The following C11orf65 variants were observed in gnomAD, a reference collection of about 807,000 sequenced individuals.
C11orf65 encodes protein MFI.
In C11orf65, 38 loss-of-function variants were observed where a neutral mutation model predicts 35.3. That is an observed-to-expected ratio of 1.08 (90% CI 0.83 to 1.41). The LOEUF (loss-of-function observed/expected upper bound fraction) is 1.41, where lower values mean the gene tolerates loss of function less well. Among genes scored for constraint, C11orf65 ranks in the 40% most tolerant of loss-of-function variants. C11orf65 has a pLI of 0.00. For synonymous variants in C11orf65, 105 were observed against 114.4 expected, an observed-to-expected ratio of 0.92 and a Z score of 0.53; for missense variants, 370 against 367.1, an observed-to-expected ratio of 1.01 and a Z score of -0.06.
At chr11:108,445,556 A>T (rs1364189511) in intron 2 of C11orf65, among the ~76,000 whole-genome samples, 1 of 152,186 alleles carries the variant, frequency 6.6e-6, no homozygotes, top group Admixed American at 6.5e-5. Context: ...CCTGTAGCTG[A>T]GGGTCCTGTC....
chr11:108,414,721 C>T (rs2092706750), intron 3 of C11orf65, among the ~76,000 whole-genome samples: 1 of 151,918 alleles, frequency 6.6e-6, no homozygotes, highest in African/African-American at 2.4e-5. Flanking sequence ...TTGATGAGGC[C>T]AGCATAACCC....
chr11:108,376,008 G>C (rs1160501611), intron 2 of C11orf65, among the ~76,000 whole-genome samples: 4 of 152,112 alleles, frequency 2.6e-5, no homozygotes, highest in East Asian at 3.8e-4. Context: ...GACCTACAAA[G>C]AGACTTAGAC....
chr11:108,337,743 T>G (rs1044269091), intron 2 of C11orf65, among the ~76,000 whole-genome samples: 1 of 152,242 alleles, frequency 6.6e-6, no homozygotes, highest in Non-Finnish European at 1.5e-5. Context: ...AGACTAGATA[T>G]TCTGTAATGT....
chr11:108,467,154 G>A (rs564092807), intron 1 of C11orf65, among the ~76,000 whole-genome samples: 3 of 152,286 alleles, frequency 2.0e-5, no homozygotes, highest in Admixed American at 1.3e-4. Flanking sequence ...TCTTTGCGGA[G>A]GATTGGGGTG....
intron 2 of C11orf65, among the ~76,000 whole-genome samples, chr11:108,450,845 G>A (rs755617172): frequency 1.4e-4 from 21 of 151,830 alleles, no homozygotes; most frequent in Non-Finnish European, 2.5e-4. Flanking sequence ...ATGCAAGGCT[G>A]GTTCAACGTA....
rs188420674 is a variant in C11orf65 at position 108,464,891 on chromosome 11, C to T, written c.-10+2580G>A. 1.1e-4 allele frequency among the ~76,000 whole-genome samples: 17 copies of T among 151,780 alleles called. No individual in the cohort carries two copies. In the East Asian group the frequency reaches 2.9e-3, roughly 26 times the overall value. ...AAACAGCGTGCATATTGAAACCTAA[C>T]ACTGCCAAACTGTCCTCAAAAATGG... On this transcript the variant is annotated intron_variant, in intron 1 of 8. Coordinates refer to ENST00000393084, the MANE Select transcript of C11orf65 (RefSeq NM_152587.5).
intron 2 of C11orf65, among the ~76,000 whole-genome samples, chr11:108,438,597 A>C (rs2093102864): frequency 6.6e-6 from 1 of 152,174 alleles, no homozygotes; most frequent in Non-Finnish European, 1.5e-5. Context: ...AAAGCCATAA[A>C]ACTCCTAGAA....
At chr11:108,363,122 G>A (rs1463498081) in intron 2 of C11orf65, among the ~76,000 whole-genome samples, 1 of 152,082 alleles carries the variant, frequency 6.6e-6, no homozygotes, top group Non-Finnish European at 1.5e-5. Context: ...TTTTCCCAGT[G>A]ATCTTACCAC....
rs1555138291 is a variant in C11orf65, at chr11:108,345,859, G to A, written c.227-10567C>T. 6.2e-7 allele frequency: 1 copy of A among 1,613,844 alleles called. No homozygotes were observed. Among genetic ancestry groups the A allele is most frequent in the South Asian group, 1.1e-5 (1 of 91,066 alleles). On this transcript the variant is annotated intron_variant, in intron 2 of 3. Coordinates refer to the C11orf65 transcript ENST00000524755. Reference sequence around the variant, plus strand: ...AAAAATTCTTGGATCCAGCTATTTGGTTTGAGAAGCGATTGGCTTATACGC... The same window carrying A: ...AAAAATTCTTGGATCCAGCTATTTGATTTGAGAAGCGATTGGCTTATACGC...
chr11:108,364,453 G>A (rs956094805), intron 2 of C11orf65, among the ~76,000 whole-genome samples: 3 of 152,044 alleles, frequency 2.0e-5, no homozygotes, highest in Non-Finnish European at 2.9e-5. Flanking sequence ...CAGTTGTTTT[G>A]GTATCCTAAT....
At chr11:108,402,110 C>T (rs989511025) in intron 6 of C11orf65, among the ~76,000 whole-genome samples, 1 of 152,120 alleles carries the variant, frequency 6.6e-6, no homozygotes, top group Non-Finnish European at 1.5e-5. Context: ...TCTGGGCTGT[C>T]CTGAAATACA....
chr11:108,445,749 G>A (rs1228502023), intron 2 of C11orf65, among the ~76,000 whole-genome samples: 5 of 152,056 alleles, frequency 3.3e-5, no homozygotes, highest in African/African-American at 9.7e-5. Flanking sequence ...CTCCTCACCA[G>A]CAATGGAACA....
chr11:108,334,012 T>A (rs1175629491), intron 3 of C11orf65: 3 of 1,453,148 alleles, frequency 2.1e-6, no homozygotes, highest in South Asian at 2.3e-5. Context: ...CTAAATTTTT[T>A]TTATTAGATT....
intron 3 of C11orf65, among the ~76,000 whole-genome samples, chr11:108,425,833 C>CTAG (rs1268292974): frequency 6.6e-6 from 1 of 152,140 alleles, no homozygotes; most frequent in African/African-American, 2.4e-5. Context: ...GGATGCAAGG[C>CTAG]TAGTTCAACA....
At chr11:108,343,195 T>C (rs2087799038) in intron 2 of C11orf65, 1 of 1,613,630 alleles carries the variant, frequency 6.2e-7, no homozygotes, top group African/African-American at 1.3e-5. Context: ...CTTTTAAAAT[T>C]AAAAGGTATT....
chr11:108,354,814 C>T lies in C11orf65; in HGVS notation c.227-19522G>A, dbSNP rs1565582275. 6.2e-7 allele frequency: 1 copy of T among 1,613,316 alleles called. No individual in the cohort carries two copies. Among genetic ancestry groups the T allele is most frequent in the Non-Finnish European group, 8.5e-7 (1 of 1,179,302 alleles). ...TTTATAATGTGTTTGACTCTAGATG[C>T]TGTGAGAAAACCATGGAAGTGATGA... is the stretch of plus-strand genomic sequence containing the variant. On this transcript the variant is annotated intron_variant, in intron 2 of 3. Transcript: ENST00000524755.
Position 108,406,840 on chromosome 11 carries a change from CATTTTTATT to C in C11orf65, c.343_351del (p.Asn115_Asn117del). The C allele has an allele frequency of 6.2e-7, 1 of 1,613,262 alleles. No individual in the cohort carries two copies. Among genetic ancestry groups the C allele is most frequent in the Non-Finnish European group, 8.5e-7 (1 of 1,179,574 alleles). ...CTATGATCCTCTTCCTGAAGATGAT[CATTTTTATT>C]ATGAGATGTATGCTTTGCTGGAAGT... On this transcript the variant is annotated inframe_deletion, in exon 5 of 9. Transcript: ENST00000393084.
intron 3 of C11orf65, among the ~76,000 whole-genome samples, chr11:108,428,019 A>AT (rs1435358557): frequency 0.042 from 6 of 144 alleles, no homozygotes; most frequent in Non-Finnish European, 0.014. Context: ...TTTAGTAGAG[A>AT]CGGGTTTCAC....
intron 2 of C11orf65, chr11:108,354,744 CAGAT>C (rs1329159257): frequency 7.6e-7 from 1 of 1,318,372 alleles, no homozygotes; most frequent in East Asian, 2.3e-5. Context: ...TGAGAGTATA[CAGAT>C]AAAGATACGT....
Sources: allele counts gnomAD v4.1 joint callset (sites outside exome capture counted in the v4.1 genomes callset), GRCh38; gene constraint gnomAD v4.1.1; transcripts MANE v1.5; gene names NCBI Gene and HGNC (gene_info 2026-07-23, HGNC 2026-07-21).